Variants in PRKCE observed in about 807,000 individuals in gnomAD.
PRKCE encodes protein kinase C epsilon.
PRKCE carries 16 observed loss-of-function variants against 85.4 expected under a neutral mutation model. That is an observed-to-expected ratio of 0.19 (90% CI 0.13 to 0.28). The LOEUF (loss-of-function observed/expected upper bound fraction) is 0.28. PRKCE is among the 10% of genes least tolerant of loss of function. The probability of loss-of-function intolerance (pLI) is 1.00; values close to 1 mark genes in which losing one functional copy is unlikely to be tolerated. For synonymous variants in PRKCE, 388 were observed against 371.5 expected, an observed-to-expected ratio of 1.04 and a Z score of -0.51; for missense variants, 573 against 975.2, an observed-to-expected ratio of 0.59 and a Z score of 5.49.
At chr2:46,017,831 C>A (rs994819616) in intron 10 of PRKCE, among the ~76,000 whole-genome samples, 5 of 152,168 alleles carry the variant, frequency 3.3e-5, no homozygotes, top group Non-Finnish European at 7.4e-5. Flanking sequence ...GATAAGAAAA[C>A]CAAGGCCCAG....
At chr2:46,161,946 G>C (rs1677814674) in intron 14 of PRKCE, among the ~76,000 whole-genome samples, 2 of 152,138 alleles carry the variant, frequency 1.3e-5, no homozygotes, top group South Asian at 4.1e-4. Flanking sequence ...ATGAAGAACA[G>C]GGGTGAGGTG....
chr2:45,769,395 G>C (rs1040931837), intron 1 of PRKCE, among the ~76,000 whole-genome samples: 3 of 152,064 alleles, frequency 2.0e-5, no homozygotes, highest in Non-Finnish European at 4.4e-5. Flanking sequence ...GCTGGGAGGG[G>C]TGTGTGTGTA....
intron 1 of PRKCE, among the ~76,000 whole-genome samples, chr2:45,673,117 T>C (rs923479452): frequency 1.3e-5 from 2 of 152,172 alleles, no homozygotes; most frequent in African/African-American, 4.8e-5. Flanking sequence ...TTGGGTTACA[T>C]TGTTTTTGTT....
At chr2:45,924,652 A>G (rs1245155679) in intron 2 of PRKCE, among the ~76,000 whole-genome samples, 1 of 152,238 alleles carries the variant, frequency 6.6e-6, no homozygotes, top group East Asian at 1.9e-4. Context: ...CCACACATAA[A>G]CATATGAAAA....
chr2:46,027,432 G>C (rs1451762800), intron 10 of PRKCE, among the ~76,000 whole-genome samples: 16 of 152,208 alleles, frequency 1.1e-4, no homozygotes, highest in Non-Finnish European at 8.8e-5. Context: ...TGCAATTAAA[G>C]AGAGTTAAAG....
rs144081669 is a variant in PRKCE at position 46,111,488 on chromosome 2, C to G, written c.1592+25126C>G. ...AACTCCGTTCCTTTTAACAATCATC[C>G]CCTAGTCCTTCCATCCCCTTACCCT... On this transcript the variant is annotated intron_variant, in intron 11 of 14. Transcript: ENST00000306156. Among the ~76,000 whole-genome samples, 430 of 152,250 alleles carry G rather than the reference C, an allele frequency of 2.8e-3. 5 individuals are homozygous for G. The highest frequency in any genetic ancestry group is 0.01 in the African/African-American group (417 of 41,542).
chr2:45,797,717 G>A (rs561546409), intron 1 of PRKCE, among the ~76,000 whole-genome samples: 2 of 152,348 alleles, frequency 1.3e-5, no homozygotes, highest in South Asian at 2.1e-4. Context: ...AGGAAGGACT[G>A]CATTGCACTT....
At chr2:45,863,177 G>T (rs1693308709) in intron 2 of PRKCE, among the ~76,000 whole-genome samples, 1 of 152,106 alleles carries the variant, frequency 6.6e-6, no homozygotes, top group South Asian at 2.1e-4. Context: ...GCAGCTCATA[G>T]CCTCCAGTCT....
chr2:46,079,413 A>T (rs966092152), intron 10 of PRKCE, among the ~76,000 whole-genome samples: 1 of 152,196 alleles, frequency 6.6e-6, no homozygotes, highest in East Asian at 1.9e-4. Context: ...CTTGAAAAAC[A>T]TAAGCCATGG....
At chr2:45,997,816 G>A (rs1172933883) in intron 6 of PRKCE, among the ~76,000 whole-genome samples, 1 of 152,194 alleles carries the variant, frequency 6.6e-6, no homozygotes, top group Admixed American at 6.5e-5. Context: ...CAAAGTGCTG[G>A]GATTACAGGC....
At chr2:46,023,201 A>C (rs1196777687) in intron 10 of PRKCE, among the ~76,000 whole-genome samples, 1 of 152,076 alleles carries the variant, frequency 6.6e-6, no homozygotes, top group African/African-American at 2.4e-5. Flanking sequence ...CAGTTGGCCA[A>C]CTGTTTGTGA....
At chr2:45,976,156 G>C (rs1420539074) in intron 2 of PRKCE, among the ~76,000 whole-genome samples, 1 of 152,182 alleles carries the variant, frequency 6.6e-6, no homozygotes, top group African/African-American at 2.4e-5. Context: ...GGGAGGAAAG[G>C]GCAGCCAGCC....
intron 10 of PRKCE, among the ~76,000 whole-genome samples, chr2:46,030,662 T>C (rs1056028846): frequency 1.3e-5 from 2 of 152,202 alleles, no homozygotes; most frequent in East Asian, 3.8e-4. Flanking sequence ...AATTAATGTC[T>C]CTTAGGATTG....
chr2:46,050,878 C>A (rs1466744869), intron 10 of PRKCE, among the ~76,000 whole-genome samples: 1 of 152,150 alleles, frequency 6.6e-6, no homozygotes, highest in Non-Finnish European at 1.5e-5. Flanking sequence ...TTTCTCAGTG[C>A]CCACAATGGG....
At chr2:46,183,206 G>T (rs1574694718) in intron 14 of PRKCE, among the ~76,000 whole-genome samples, 1 of 152,174 alleles carries the variant, frequency 6.6e-6, no homozygotes, top group Admixed American at 6.5e-5. Flanking sequence ...TCAAGTTTGA[G>T]GAAGGCTAGC....
At chr2:46,098,512 T>C (rs1670918765) in intron 11 of PRKCE, among the ~76,000 whole-genome samples, 1 of 152,230 alleles carries the variant, frequency 6.6e-6, no homozygotes, top group South Asian at 2.1e-4. Flanking sequence ...AAAATGGGGA[T>C]GAATGTATCC....
chr2:46,007,632 A>G lies in PRKCE; in HGVS notation c.1234A>G (p.Lys412Glu), dbSNP rs896389267. 6.3e-7 allele frequency: 1 copy of G among 1,599,780 alleles called. No homozygotes were observed. The highest frequency in any genetic ancestry group is 8.5e-7 in the Non-Finnish European group (1 of 1,179,966). Reference protein sequence around the residue: ...RLGLDEFNFIKVLGKGSFGKV... With the variant: ...RLGLDEFNFIEVLGKGSFGKV... ...GGGCCTGGATGAGTTCAACTTCATC[A>G]AGGTGTTGGGCAAAGGCAGCTTTGG... Residue 412 changes from lysine (K) to glutamate (E), a missense_variant, in exon 9 of 15, where the codon AAG (lysine) becomes GAG (glutamate). Lys to Glu is a moderately conservative substitution (Grantham distance 56). Around this residue, in one of 11 missense-constraint regions of PRKCE, gnomAD observed 117 missense variants for 104.8 expected, o/e 1.12. Coordinates refer to ENST00000306156, the MANE Select transcript of PRKCE (RefSeq NM_005400.3).
At chr2:46,135,746 C>CTTTT (rs11417233) in intron 11 of PRKCE, among the ~76,000 whole-genome samples, 1,248 of 20,634 alleles carry the variant, frequency 0.06, 359 homozygotes, top group Middle Eastern at 0.071. Context: ...ACAAATTATG[C>CTTTT]TTTTTTTTTT....
At chr2:46,015,795 C>T (rs1706090420) in intron 10 of PRKCE, among the ~76,000 whole-genome samples, 1 of 151,908 alleles carries the variant, frequency 6.6e-6, no homozygotes, top group Admixed American at 6.5e-5. Context: ...CTGACAGAGC[C>T]GTTGAGGATG....
Sources: gnomAD v4.1 joint callset for allele counts (sites outside exome capture counted in the v4.1 genomes callset) on GRCh38, gnomAD v4.1.1 for gene constraint, gnomAD v4.1.1 regional missense constraint, MANE v1.5 for transcripts, NCBI Gene and HGNC (gene_info 2026-07-23, HGNC 2026-07-21) for gene names.